AGBL1: variants seen among roughly 807,000 people sequenced by gnomAD.
AGBL1 encodes the protein cytosolic carboxypeptidase 4.
Under a neutral mutation model 118.9 loss-of-function variants are expected in AGBL1, and 130 were observed. The observed-to-expected ratio is 1.09, with a 90% confidence interval of 0.95 to 1.26. The LOEUF (loss-of-function observed/expected upper bound fraction) is 1.26. AGBL1 is among the 50% of genes most tolerant of loss of function. The pLI is 0.00. For missense variants in AGBL1, 1,584 were observed against 1,298.1 expected (o/e 1.22, Z -3.38); for synonymous variants, 555 against 478.9 (o/e 1.16, Z -2.08).
At chr15:86,629,584 A>T (rs1336282538) in intron 21 of AGBL1, among the ~76,000 whole-genome samples, 2 of 152,200 alleles carry the variant, frequency 1.3e-5, no homozygotes, top group Non-Finnish European at 2.9e-5. Context: ...GCTTCCAATA[A>T]AAATGGAGAT....
intron 17 of AGBL1, among the ~76,000 whole-genome samples, chr15:86,310,161 G>T (rs906098483): frequency 6.6e-6 from 1 of 152,066 alleles, no homozygotes; most frequent in Admixed American, 6.6e-5. Flanking sequence ...GTCTTGGTAG[G>T]TTTATGTTTC....
intron 22 of AGBL1, among the ~76,000 whole-genome samples, chr15:86,798,029 A>G (rs1402856244): frequency 2.0e-5 from 3 of 152,238 alleles, no homozygotes; most frequent in African/African-American, 7.2e-5. Flanking sequence ...AGCTGTAAGC[A>G]ATGCAGCCAG....
chr15:86,820,488 G>GA (rs1486798887), intron 22 of AGBL1, among the ~76,000 whole-genome samples: 9 of 151,618 alleles, frequency 5.9e-5, no homozygotes. Flanking sequence ...AAATTTACAT[G>GA]AAAAAACAAC....
intron 17 of AGBL1, among the ~76,000 whole-genome samples, chr15:86,372,873 C>T (rs1301776648): frequency 6.6e-6 from 1 of 151,854 alleles, no homozygotes; most frequent in African/African-American, 2.4e-5. Flanking sequence ...TCCCTCCCAC[C>T]CTTGCTGCCC....
intron 18 of AGBL1, among the ~76,000 whole-genome samples, chr15:86,476,338 C>A (rs1318273038): frequency 1.3e-5 from 2 of 152,112 alleles, no homozygotes; most frequent in Non-Finnish European, 2.9e-5. Context: ...GGAGACCCAT[C>A]TCAAGTGCAG....
chr15:86,396,215 GTGTA>G (rs1336766230), intron 17 of AGBL1, among the ~76,000 whole-genome samples: 8 of 139,304 alleles, frequency 5.7e-5, no homozygotes, highest in African/African-American at 1.7e-4. Flanking sequence ...ATACGTGTGT[GTGTA>G]TATATATGTG....
At chr15:86,534,181 T>C (rs1210558194) in intron 19 of AGBL1, among the ~76,000 whole-genome samples, 3 of 148,976 alleles carry the variant, frequency 2.0e-5, no homozygotes, top group Non-Finnish European at 4.4e-5. Context: ...TGGTAGAAAG[T>C]AGAGTCAGGT....
Position 86,749,688 on chromosome 15 carries a change from A to G in AGBL1, c.3158+75252A>G, listed in dbSNP as rs1030876605. On this transcript the variant is annotated intron_variant, in intron 22 of 22. Coordinates refer to ENST00000614907, the MANE Select transcript of AGBL1 (RefSeq NM_001386094.1). ...TTATTATTTTGAGATACATCCATCAATACCTAATTTATTGAGAGTTTTTAG... is the reference window on the plus strand; with the variant it reads ...TTATTATTTTGAGATACATCCATCAGTACCTAATTTATTGAGAGTTTTTAG... Among the ~76,000 whole-genome samples, 55 of 152,194 alleles carry G rather than the reference A, an allele frequency of 3.6e-4. 1 individual carries two copies. The highest frequency in any genetic ancestry group is 7.3e-5 in the Non-Finnish European group (5 of 68,040).
At chr15:86,814,270 T>C (rs1295787088) in intron 22 of AGBL1, among the ~76,000 whole-genome samples, 2 of 152,164 alleles carry the variant, frequency 1.3e-5, no homozygotes, top group Non-Finnish European at 1.5e-5. Context: ...CTTATGATAA[T>C]CTAACTAATG....
chr15:86,432,507 C>T (rs182761008), intron 18 of AGBL1, among the ~76,000 whole-genome samples: 8 of 152,262 alleles, frequency 5.3e-5, no homozygotes, highest in African/African-American at 1.7e-4. Context: ...GTGTAAAGTG[C>T]CATTTTTATT....
intron 18 of AGBL1, among the ~76,000 whole-genome samples, chr15:86,477,845 C>G (rs1385904462): frequency 6.6e-6 from 1 of 152,152 alleles, no homozygotes; most frequent in East Asian, 1.9e-4. Context: ...AAAATACTGG[C>G]AAACCAAATC....
intron 24 of AGBL1, among the ~76,000 whole-genome samples, chr15:87,014,683 A>G (rs532844156): frequency 9.8e-5 from 15 of 152,300 alleles, no homozygotes; most frequent in East Asian, 1.9e-4. Context: ...GGATATTTCA[A>G]TGCATTTTAT....
chr15:86,784,271 A>G (rs970845490), intron 22 of AGBL1, among the ~76,000 whole-genome samples: 1 of 152,230 alleles, frequency 6.6e-6, no homozygotes, highest in Non-Finnish European at 1.5e-5. Flanking sequence ...TTCCCCACAG[A>G]GGCAACCTAC....
intron 24 of AGBL1, among the ~76,000 whole-genome samples, chr15:87,027,746 G>A (rs948817863): frequency 2.6e-5 from 4 of 151,986 alleles, no homozygotes; most frequent in African/African-American, 9.7e-5. Context: ...CACAAATGGA[G>A]TTGGAAGCCA....
intron 4 of AGBL1, among the ~76,000 whole-genome samples, chr15:86,156,201 G>A (rs1308600713): frequency 2.6e-5 from 4 of 152,172 alleles, no homozygotes; most frequent in Non-Finnish European, 4.4e-5. Context: ...AATTACAGGC[G>A]TGAGCCACCA....
At chr15:86,534,088 T>A (rs1412201582) in intron 19 of AGBL1, among the ~76,000 whole-genome samples, 2 of 119,310 alleles carry the variant, frequency 1.7e-5, no homozygotes, top group African/African-American at 3.5e-5. Context: ...AATGTGCACA[T>A]GTACCCTAAA....
chr15:86,535,734 G>A (rs2083416895), intron 19 of AGBL1, among the ~76,000 whole-genome samples: 1 of 151,998 alleles, frequency 6.6e-6, no homozygotes, highest in Non-Finnish European at 1.5e-5. Flanking sequence ...TGTCCCTCTG[G>A]CATATGTTTT....
intron 22 of AGBL1, among the ~76,000 whole-genome samples, chr15:86,887,054 A>G (rs2079980712): frequency 6.6e-6 from 1 of 152,202 alleles, no homozygotes; most frequent in Non-Finnish European, 1.5e-5. Flanking sequence ...TTTGCTCATA[A>G]TATGTGTCTA....
chr15:86,780,454 A>G (rs2078319271), intron 22 of AGBL1, among the ~76,000 whole-genome samples: 1 of 152,070 alleles, frequency 6.6e-6, no homozygotes, highest in African/African-American at 2.4e-5. Context: ...TTTCTTGGCC[A>G]TTTGCATTTT....
Sources: gnomAD v4.1 joint callset for allele counts (sites outside exome capture counted in the v4.1 genomes callset) on GRCh38, gnomAD v4.1.1 for gene constraint, MANE v1.5 for transcripts, NCBI Gene and HGNC (gene_info 2026-07-23, HGNC 2026-07-21) for gene names.